DNAH6: variants seen among roughly 807,000 people sequenced by gnomAD.
DNAH6 encodes the protein axonemal beta dynein heavy chain 6.
A neutral mutation model predicts 491.4 loss-of-function variants in DNAH6; 340 were observed. The observed-to-expected ratio is 0.69, with a 90% confidence interval of 0.63 to 0.76. DNAH6 has a LOEUF of 0.76. Ranked by LOEUF, DNAH6 falls within the 30% of genes least tolerant of loss-of-function variation. The pLI is 0.00. For synonymous variants in DNAH6, 1,603 were observed against 1,686.1 expected, an observed-to-expected ratio of 0.95 and a Z score of 1.21; for missense variants, 4,443 against 4,972.2, an observed-to-expected ratio of 0.89 and a Z score of 3.20.
Position 84,607,015 on chromosome 2 carries a change from G to A in DNAH6, c.3214G>A (p.Ala1072Thr). Reference sequence around the variant, plus strand: ...TAGCACCATCAATGTTGCAACTCTTGCCTCATCACGTTACCTTGGTCCACT... The same window carrying A: ...TAGCACCATCAATGTTGCAACTCTTACCTCATCACGTTACCTTGGTCCACT... ...DDSTINVATL[A>T]SSRYLGPLKT... The change falls in exon 21 of 77, where the codon GCC becomes ACC. Residue 1072 changes from alanine (A) to threonine (T), a missense_variant. By Grantham distance (58) the Ala-to-Thr change is moderately conservative. Coordinates refer to ENST00000389394, the MANE Select transcript of DNAH6 (RefSeq NM_001370.2). 2 of 1,551,332 alleles carry A rather than the reference G, an allele frequency of 1.3e-6. No homozygotes were observed. The highest frequency in any genetic ancestry group is 1.7e-6 in the Non-Finnish European group (2 of 1,146,752).
intron 22 of DNAH6, among the ~76,000 whole-genome samples, chr2:84,613,144 A>AGT (rs57906545): frequency 0.022 from 3,286 of 149,632 alleles, 105 homozygotes; most frequent in African/African-American, 0.071. Flanking sequence ...AGAGAGAGAG[A>AGT]GTGTGTGTGT....
chr2:84,659,074 T>G lies in DNAH6; in HGVS notation c.5989T>G (p.Tyr1997Asp). 1 of 1,495,906 alleles carries G rather than the reference T, an allele frequency of 6.7e-7. No homozygotes were observed. The highest frequency in any genetic ancestry group is 9.1e-7 in the Non-Finnish European group (1 of 1,101,096). 92.7% of individuals were successfully genotyped at this position (1,495,906 alleles called of 1,614,324 possible). The change falls in exon 37 of 77, where the codon TAT becomes GAT. Residue 1997 changes from tyrosine (Y) to aspartate (D), a missense_variant. This residue lies in a region of DNAH6 where 2,977 missense variants were observed against 3,296.6 expected (regional missense o/e 0.90). Transcript: ENST00000389394. ...ACTATGTCAGACTTTTGTATTCTGT[T>G]ATTTGTGGTCTTTGGGTGGAAACCT... ...TILCQTFVFC[Y>D]LWSLGGNLTE... is the part of the protein sequence containing the mutation.
chr2:84,603,580 C>G (rs1221670281), intron 18 of DNAH6, among the ~76,000 whole-genome samples: 1 of 152,130 alleles, frequency 6.6e-6, no homozygotes, highest in Non-Finnish European at 1.5e-5. Flanking sequence ...AAACCTTCAT[C>G]TTACGAGGCA....
intron 37 of DNAH6, among the ~76,000 whole-genome samples, chr2:84,663,410 A>G (rs556947656): frequency 1.3e-5 from 2 of 152,340 alleles, no homozygotes; most frequent in South Asian, 4.1e-4. Flanking sequence ...AAATGACCTG[A>G]TGGAGCTGAA....
chr2:84,713,704 G>A (rs938209979), intron 57 of DNAH6, among the ~76,000 whole-genome samples: 10 of 152,188 alleles, frequency 6.6e-5, no homozygotes, highest in African/African-American at 2.2e-4. Flanking sequence ...GCTGGGGTTG[G>A]GGGGAGGAGG....
the DNAH6 span, among the ~76,000 whole-genome samples, chr2:84,477,495 T>G: frequency 6.6e-6 from 1 of 152,170 alleles, no homozygotes; most frequent in African/African-American, 2.4e-5. Flanking sequence ...GTCTGGTAAT[T>G]CTTTTGACTA....
At chr2:84,530,984 A>C (rs933834224) in intron 4 of DNAH6, among the ~76,000 whole-genome samples, 3 of 152,132 alleles carry the variant, frequency 2.0e-5, no homozygotes, top group Non-Finnish European at 4.4e-5. Flanking sequence ...ACATGTGCCC[A>C]AGGTAGTACG....
chr2:84,709,450 C>T lies in DNAH6; in HGVS notation c.9156C>T (p.Asn3052=). ...ATCCCTACGAGATACGGCAGTGGAA[C>T]ACTGATGGGCTGCCCCGTGACTTGA... ...LGDPYEIRQW[N]TDGLPRDLIS... The change falls in exon 55 of 77, where the codon AAC becomes AAT. Residue 3052 remains asparagine, a synonymous_variant. Coordinates refer to ENST00000389394, the MANE Select transcript of DNAH6 (RefSeq NM_001370.2). 2 of 1,551,692 alleles carry T rather than the reference C, an allele frequency of 1.3e-6. No homozygotes were observed. Among genetic ancestry groups the T allele is most frequent in the South Asian group, 1.2e-5 (1 of 84,044 alleles).
chr2:84,539,818 G>A (rs1678068353), intron 4 of DNAH6, among the ~76,000 whole-genome samples: 1 of 152,098 alleles, frequency 6.6e-6, no homozygotes, highest in South Asian at 2.1e-4. Flanking sequence ...TAAAAAAAGA[G>A]TTCTTTACCA....
intron 4 of DNAH6, among the ~76,000 whole-genome samples, chr2:84,538,497 C>A (rs1677925532): frequency 6.6e-6 from 1 of 152,130 alleles, no homozygotes; most frequent in Non-Finnish European, 1.5e-5. Context: ...TCCCCCAAAT[C>A]TGAGCATCTT....
At chr2:84,564,326 G>A (rs191502595) in intron 11 of DNAH6, among the ~76,000 whole-genome samples, 5 of 152,218 alleles carry the variant, frequency 3.3e-5, no homozygotes, top group Admixed American at 2.6e-4. Context: ...TCCAGTCCAC[G>A]AGCATGGAAT....
intron 71 of DNAH6, among the ~76,000 whole-genome samples, chr2:84,806,487 C>G (rs772139305): frequency 6.6e-6 from 1 of 151,836 alleles, no homozygotes; most frequent in Middle Eastern, 3.2e-3. Flanking sequence ...GGCGTGGTGG[C>G]GGTCGCCTGT....
the DNAH6 span, among the ~76,000 whole-genome samples, chr2:84,473,209 C>G: frequency 6.6e-6 from 1 of 152,136 alleles, no homozygotes; most frequent in South Asian, 2.1e-4. Context: ...ACAAAAACTG[C>G]CAAATTAATT....
At chr2:84,556,271 C>A (rs1057217453) in intron 10 of DNAH6, among the ~76,000 whole-genome samples, 5 of 152,170 alleles carry the variant, frequency 3.3e-5, no homozygotes, top group Non-Finnish European at 7.3e-5. Context: ...CTGGGTAGTA[C>A]CCGGTCACAG....
intron 70 of DNAH6, 154 bp downstream of exon 70, chr2:84,797,812 T>C (rs1050258615): frequency 4.1e-6 from 3 of 734,082 alleles, no homozygotes; most frequent in Non-Finnish European, 6.5e-6. Context: ...GGTTCCAATT[T>C]AGCCTGTTAC....
intron 45 of DNAH6, among the ~76,000 whole-genome samples, chr2:84,692,775 T>C (rs962879484): frequency 2.0e-5 from 3 of 152,336 alleles, no homozygotes; most frequent in South Asian, 4.2e-4. Context: ...AAGGAATCTT[T>C]TAGGGAGGCT....
chr2:84,770,454 C>A (rs1675498004), intron 64 of DNAH6, among the ~76,000 whole-genome samples: 1 of 151,882 alleles, frequency 6.6e-6, no homozygotes, highest in East Asian at 1.9e-4. Context: ...GAAACATGAA[C>A]AAATAACTAA....
intron 58 of DNAH6, among the ~76,000 whole-genome samples, chr2:84,717,172 C>T (rs1476386238): frequency 6.6e-6 from 1 of 152,164 alleles, no homozygotes; most frequent in Non-Finnish European, 1.5e-5. Flanking sequence ...AACTGTAACT[C>T]ACCTCACAGA....
Position 84,789,998 on chromosome 2 carries a change from C to T in DNAH6, c.11239+2696C>T, listed in dbSNP as rs541688956. Among the ~76,000 whole-genome samples, 3 of 152,222 alleles carry T rather than the reference C, an allele frequency of 2.0e-5. No individual in the cohort carries two copies. In the South Asian group the frequency reaches 6.2e-4, roughly 32 times the overall value. ...ACTGAATGGCTGGTATCATTGCTTACAAAAATGTTTTGAATTGATGGACCT... is the reference window on the plus strand; with the variant it reads ...ACTGAATGGCTGGTATCATTGCTTATAAAAATGTTTTGAATTGATGGACCT... On this transcript the variant is annotated intron_variant, in intron 68 of 76. Transcript: ENST00000389394.
Sources: allele counts gnomAD v4.1 joint callset (sites outside exome capture counted in the v4.1 genomes callset), GRCh38; gene constraint gnomAD v4.1.1; regional missense constraint gnomAD v4.1.1; transcripts MANE v1.5; gene names NCBI Gene and HGNC (gene_info 2026-07-23, HGNC 2026-07-21).